The following CCDC73 variants were observed in gnomAD, a reference collection of about 807,000 sequenced individuals.
The protein encoded by CCDC73 is coiled-coil domain containing 73.
A neutral mutation model predicts 116.5 loss-of-function variants in CCDC73; 95 were observed. That is an observed-to-expected ratio of 0.82 (90% CI 0.69 to 0.97). The LOEUF is 0.97. CCDC73 is among the 50% of genes least tolerant of loss of function. The pLI is 0.00. For missense variants in CCDC73, 1,066 were observed against 1,206.8 expected, an observed-to-expected ratio of 0.88 and a Z score of 1.73; for synonymous variants, 398 against 401.3, an observed-to-expected ratio of 0.99 and a Z score of 0.10.
At chr11:32,745,627 T>A (rs1432737842) in intron 2 of CCDC73, among the ~76,000 whole-genome samples, 2 of 152,238 alleles carry the variant, frequency 1.3e-5, no homozygotes, top group African/African-American at 4.8e-5. Flanking sequence ...GCTCTTCTTG[T>A]TGAATTGATC....
At chr11:32,746,836 C>T (rs1313767082) in intron 2 of CCDC73, among the ~76,000 whole-genome samples, 1 of 152,092 alleles carries the variant, frequency 6.6e-6, no homozygotes, top group African/African-American at 2.4e-5. Context: ...TCTAACTTTT[C>T]AAGGTTTTTT....
chr11:32,648,554 C>CTT (rs1236494179), intron 12 of CCDC73, among the ~76,000 whole-genome samples: 13 of 144,568 alleles, frequency 9.0e-5, no homozygotes, highest in South Asian at 2.2e-4. Context: ...AGTTTATACT[C>CTT]TTTTTTTTTT....
At chr11:32,637,169 A>T (rs1373717972) in intron 13 of CCDC73, among the ~76,000 whole-genome samples, 1 of 151,410 alleles carries the variant, frequency 6.6e-6, no homozygotes, top group Admixed American at 6.6e-5. Context: ...ACAGGCTTGC[A>T]CCACCACGCC....
chr11:32,729,165 T>C (rs575370544), intron 2 of CCDC73, among the ~76,000 whole-genome samples: 10 of 152,314 alleles, frequency 6.6e-5, no homozygotes, highest in African/African-American at 2.4e-4. Context: ...CTTGATGCTC[T>C]CCCTCCCCAT....
chr11:32,806,636 A>AAG, the CCDC73 span, among the ~76,000 whole-genome samples: 1 of 151,582 alleles, frequency 6.6e-6, no homozygotes, highest in African/African-American at 2.4e-5. Flanking sequence ...GTCTCAAAAA[A>AAG]AAAAAAAAAG....
Position 32,642,864 on chromosome 11 carries a change from A to AT in CCDC73, c.940-783dup, listed in dbSNP as rs767820901. Among the ~76,000 whole-genome samples the AT allele has an allele frequency of 2.1e-3, 306 of 148,984 alleles. 1 individual carries two copies. In the East Asian group the frequency reaches 0.023, roughly 11 times the overall value. ...TAAAAATGTCAAGCCACACAAAAGG[A>AT]TTTTTTTTTTTAAAAAAAGTAAAGT... On this transcript the variant is annotated intron_variant, in intron 12 of 17. Transcript: ENST00000335185.
intron 5 of CCDC73, among the ~76,000 whole-genome samples, chr11:32,699,757 C>T (rs912318234): frequency 6.6e-6 from 1 of 151,900 alleles, no homozygotes; most frequent in Non-Finnish European, 1.5e-5. Context: ...AGAGGGTTAG[C>T]ATTAGGAGAT....
Position 32,619,873 on chromosome 11 carries a change from AGGAGGG to A in CCDC73, c.1186-3750_1186-3745del, listed in dbSNP as rs1336995076. 9.4e-5 allele frequency among the ~76,000 whole-genome samples: 8 copies of A among 84,972 alleles called. No individual in the cohort carries two copies. The East Asian group carries it at 2.7e-3, about 29-fold the overall frequency. 55.7% of individuals were successfully genotyped at this position (84,972 alleles called of 152,430 possible). A position where few individuals can be genotyped will look rare whatever the true frequency, so the allele number is the denominator to read the frequency against. ...GGAAAAGTAGAAGGGAAGGAGAAGG[AGGAGGG>A]GGAGGGGAAGGGAGGGAGGGGAAGG... On this transcript the variant is annotated intron_variant, in intron 14 of 17. Transcript: ENST00000335185.
At chr11:32,819,684 C>T in the CCDC73 span, among the ~76,000 whole-genome samples, 7 of 152,244 alleles carry the variant, frequency 4.6e-5, no homozygotes, top group Non-Finnish European at 8.8e-5. Flanking sequence ...TGGTCTTGAA[C>T]ATCTGGGCTC....
At chr11:32,726,835 T>C (rs1413381344) in intron 2 of CCDC73, among the ~76,000 whole-genome samples, 2 of 152,152 alleles carry the variant, frequency 1.3e-5, no homozygotes, top group Non-Finnish European at 2.9e-5. Context: ...AGTATACTTC[T>C]AAGTAGCCCA....
chr11:32,751,007 G>C (rs991285897), intron 2 of CCDC73, among the ~76,000 whole-genome samples: 2 of 152,096 alleles, frequency 1.3e-5, no homozygotes, highest in African/African-American at 4.8e-5. Flanking sequence ...CAAGGCCCAA[G>C]CGCTCTTAAG....
At chr11:32,732,165 T>C (rs9736083) in intron 2 of CCDC73, among the ~76,000 whole-genome samples, 1 of 152,118 alleles carries the variant, frequency 6.6e-6, no homozygotes, top group African/African-American at 2.4e-5. Flanking sequence ...AGAAAGGGTA[T>C]CAGTGATTGA....
the CCDC73 span, among the ~76,000 whole-genome samples, chr11:32,809,699 T>C: frequency 2.0e-5 from 3 of 152,198 alleles, no homozygotes; most frequent in Non-Finnish European, 4.4e-5. Flanking sequence ...GAGGAATATA[T>C]ACATTTCTTT....
intron 14 of CCDC73, among the ~76,000 whole-genome samples, chr11:32,629,507 C>T (rs1338696506): frequency 6.6e-5 from 10 of 151,498 alleles, no homozygotes; most frequent in South Asian, 4.2e-4. Flanking sequence ...TTCAAGCGTT[C>T]TCCTGCCTCA....
At chr11:32,730,932 C>A (rs531171285) in intron 2 of CCDC73, among the ~76,000 whole-genome samples, 1 of 152,300 alleles carries the variant, frequency 6.6e-6, no homozygotes, top group Non-Finnish European at 1.5e-5. Flanking sequence ...AAGTGCAGGG[C>A]AGTGGGTGCA....
intron 2 of CCDC73, among the ~76,000 whole-genome samples, chr11:32,751,334 G>T (rs113867162): frequency 6.6e-6 from 1 of 152,026 alleles, no homozygotes; most frequent in Non-Finnish European, 1.5e-5. Context: ...TCACTGGGTC[G>T]CATGCTCTCT....
At chr11:32,762,775 G>A (rs185672885) in intron 1 of CCDC73, among the ~76,000 whole-genome samples, 22 of 152,276 alleles carry the variant, frequency 1.4e-4, no homozygotes, top group Admixed American at 5.2e-4. Flanking sequence ...GCAGCACACC[G>A]AGTGAGAGTG....
the CCDC73 span, among the ~76,000 whole-genome samples, chr11:32,828,179 G>A: frequency 6.6e-6 from 1 of 152,128 alleles, no homozygotes; most frequent in Non-Finnish European, 1.5e-5. Context: ...TATCCTTTGG[G>A]AGGAGAAAAA....
intron 17 of CCDC73, among the ~76,000 whole-genome samples, chr11:32,609,315 A>G (rs1855392091): frequency 6.6e-6 from 1 of 152,118 alleles, no homozygotes. Context: ...GATACCCTAA[A>G]TCATCTCTCT....
Sources: allele counts gnomAD v4.1 joint callset (sites outside exome capture counted in the v4.1 genomes callset), GRCh38; gene constraint gnomAD v4.1.1; transcripts MANE v1.5; gene names NCBI Gene and HGNC (gene_info 2026-07-23, HGNC 2026-07-21).